Variants in EXOC4 observed in about 807,000 individuals in gnomAD.
EXOC4 encodes exocyst complex component 4.
A neutral mutation model predicts 107.2 loss-of-function variants in EXOC4; 71 were observed. The observed-to-expected ratio is 0.66, with a 90% CI of 0.55 to 0.81. The LOEUF (loss-of-function observed/expected upper bound fraction) is 0.81, where lower values mean the gene tolerates loss of function less well. Ranked by LOEUF, EXOC4 falls within the 30% of genes least tolerant of loss-of-function variation. EXOC4 has a pLI of 0.00. For missense variants in EXOC4, 1,108 were observed against 1,189.6 expected (o/e 0.93, Z 1.01); for synonymous variants, 456 against 441.2 (o/e 1.03, Z -0.42).
At chr7:133,412,350 TGTG>T (rs144327207) in intron 7 of EXOC4, among the ~76,000 whole-genome samples, 3,817 of 147,648 alleles carry the variant, frequency 0.026, 169 homozygotes, top group African/African-American at 0.086. Flanking sequence ...AGTGGTATGT[TGTG>T]GTGGGGCATT....
chr7:133,898,407 C>G (rs896542782), intron 12 of EXOC4, among the ~76,000 whole-genome samples: 16 of 151,956 alleles, frequency 1.1e-4, no homozygotes, highest in Non-Finnish European at 2.4e-4. Context: ...AGTGGTAGTA[C>G]CAACGTCTCA....
intron 9 of EXOC4, among the ~76,000 whole-genome samples, chr7:133,619,984 C>CTGTGTGTGTGTG (rs34442997): frequency 2.0e-5 from 3 of 149,460 alleles, no homozygotes; most frequent in Non-Finnish European, 4.5e-5. Context: ...TCCCTGTTTT[C>CTGTGTGTGTGTG]TGTGTGTGTG....
intron 9 of EXOC4, among the ~76,000 whole-genome samples, chr7:133,627,062 G>A (rs957861354): frequency 3.9e-5 from 6 of 152,094 alleles, no homozygotes; most frequent in African/African-American, 1.2e-4. Context: ...TCACTTTCCA[G>A]GAAGTTACAT....
intron 2 of EXOC4, among the ~76,000 whole-genome samples, chr7:133,280,782 G>T (rs969904895): frequency 1.3e-5 from 2 of 152,114 alleles, no homozygotes; most frequent in African/African-American, 4.8e-5. Context: ...GAATTAGAAC[G>T]AGGAATAACC....
chr7:133,615,097 T>C (rs979873903), intron 9 of EXOC4, among the ~76,000 whole-genome samples: 6 of 152,146 alleles, frequency 3.9e-5, no homozygotes, highest in African/African-American at 1.2e-4. Context: ...CAAACAGTTG[T>C]AAAAGGATTG....
intron 10 of EXOC4, among the ~76,000 whole-genome samples, chr7:133,758,172 G>T (rs1436922317): frequency 6.6e-6 from 1 of 152,140 alleles, no homozygotes; most frequent in Non-Finnish European, 1.5e-5. Flanking sequence ...TTGAGATGGA[G>T]TCTCGCTCTG....
At chr7:133,546,606 A>G (rs1044509784) in intron 9 of EXOC4, among the ~76,000 whole-genome samples, 1 of 152,158 alleles carries the variant, frequency 6.6e-6, no homozygotes, top group Non-Finnish European at 1.5e-5. Context: ...TCATATAACT[A>G]TCACCACAAT....
intron 6 of EXOC4, among the ~76,000 whole-genome samples, chr7:133,366,815 C>T (rs1796258333): frequency 6.6e-6 from 1 of 152,068 alleles, no homozygotes; most frequent in African/African-American, 2.4e-5. Context: ...AAACTCATAC[C>T]CACAGTGAGC....
At chr7:133,401,441 T>C (rs908738944) in intron 7 of EXOC4, among the ~76,000 whole-genome samples, 1 of 151,870 alleles carries the variant, frequency 6.6e-6, no homozygotes, top group African/African-American at 2.4e-5. Context: ...GATAGGAGGA[T>C]CATGAGCTCA....
chr7:133,253,502 A>G (rs1248775152), intron 1 of EXOC4: 2 of 1,081,986 alleles, frequency 1.8e-6, no homozygotes, highest in Non-Finnish European at 2.2e-6. Context: ...AGGTGTGTTT[A>G]TTGATTCCTA....
At chr7:133,918,286 A>T (rs969691790) in intron 13 of EXOC4, among the ~76,000 whole-genome samples, 11 of 152,168 alleles carry the variant, frequency 7.2e-5, no homozygotes, top group African/African-American at 2.7e-4. Context: ...GGCCTAAAAT[A>T]TCTTTTAATT....
chr7:133,520,828 C>T (rs1395052379), intron 9 of EXOC4, among the ~76,000 whole-genome samples: 3 of 152,110 alleles, frequency 2.0e-5, no homozygotes, highest in Non-Finnish European at 4.4e-5. Context: ...TTCTCCACAA[C>T]AGCTCAGTAA....
At chr7:133,884,753 G>A (rs1477470789) in intron 11 of EXOC4, among the ~76,000 whole-genome samples, 1 of 152,074 alleles carries the variant, frequency 6.6e-6, no homozygotes, top group Non-Finnish European at 1.5e-5. Flanking sequence ...CAGATACAGA[G>A]CATTCGGCAA....
chr7:133,872,889 G>A (rs749463173), intron 11 of EXOC4, among the ~76,000 whole-genome samples: 15 of 152,258 alleles, frequency 9.9e-5, no homozygotes, highest in Non-Finnish European at 2.1e-4. Flanking sequence ...CATGATAACC[G>A]AGTCTTTGTA....
chr7:133,976,566 C>T (rs1022925362), intron 14 of EXOC4, among the ~76,000 whole-genome samples: 1 of 77,340 alleles, frequency 1.3e-5, no homozygotes, highest in African/African-American at 4.9e-5. Context: ...TGATAGTTAG[C>T]ACATGGAAAA....
At chr7:134,074,780 C>T in the EXOC4 span, among the ~76,000 whole-genome samples, 2 of 152,230 alleles carry the variant, frequency 1.3e-5, no homozygotes, top group Non-Finnish European at 2.9e-5. Flanking sequence ...CAGGGCAACA[C>T]ACACGAATCC....
intron 14 of EXOC4, among the ~76,000 whole-genome samples, chr7:133,993,425 A>T (rs1794307483): frequency 6.6e-6 from 1 of 152,184 alleles, no homozygotes; most frequent in African/African-American, 2.4e-5. Flanking sequence ...CCTAAGAGGG[A>T]CTTTTTCTAC....
At chr7:133,480,332 T>C in intron 9 of EXOC4, 194 bp downstream of exon 9, 2 of 1,406,292 alleles carry the variant, frequency 1.4e-6, no homozygotes, top group South Asian at 1.5e-5. Flanking sequence ...CCATAGGACT[T>C]GTAGACCTGC....
At chr7:133,314,439 A>G (rs1794944399) in intron 4 of EXOC4, among the ~76,000 whole-genome samples, 1 of 152,196 alleles carries the variant, frequency 6.6e-6, no homozygotes. Context: ...GTATGAAAAT[A>G]GTTTTGCAGT....
Sources: gnomAD v4.1 joint callset for allele counts (sites outside exome capture counted in the v4.1 genomes callset) on GRCh38, gnomAD v4.1.1 for gene constraint, MANE v1.5 for transcripts, NCBI Gene and HGNC (gene_info 2026-07-23, HGNC 2026-07-21) for gene names.